Variants in CHD5 observed in about 807,000 individuals in gnomAD.
CHD5 encodes the protein chromodomain helicase DNA binding protein 5, also known as ATP-dependent chromatin remodeler CHD5.
In CHD5, 69 loss-of-function variants were observed where a neutral mutation model predicts 230.3. The observed-to-expected ratio is 0.30, with a 90% CI of 0.25 to 0.37. The LOEUF (loss-of-function observed/expected upper bound fraction) is 0.37. Among genes scored for constraint, CHD5 ranks in the 10% least tolerant of loss-of-function variants. The probability of loss-of-function intolerance (pLI) is 1.00; values close to 1 mark genes in which losing one functional copy is unlikely to be tolerated. For synonymous variants in CHD5, 1,064 were observed against 1,065.9 expected (o/e 1.00, Z 0.03); for missense variants, 1,827 against 2,622.8 (o/e 0.70, Z 6.63).
chr1:6,154,417 G>A lies in CHD5; in HGVS notation c.745+243C>T, dbSNP rs1336861424. 1.3e-5 allele frequency among the ~76,000 whole-genome samples: 2 copies of A among 152,120 alleles called. No individual in the cohort carries two copies. Among genetic ancestry groups the A allele is most frequent in the Non-Finnish European group, 2.9e-5 (2 of 68,018 alleles). On this transcript the variant is annotated intron_variant, in intron 5 of 41. Transcript: ENST00000262450. This position sits in a 1 kb window ranked among gnomAD's most constrained non-coding sequence, Gnocchi z 7.0. ...CCAGGCTCAAACCTCCCAGACCTCT[G>A]CCCACATCATCGCCTCTGCTTCTCC... is the stretch of plus-strand genomic sequence containing the variant.
intron 31 of CHD5, among the ~76,000 whole-genome samples, chr1:6,122,122 C>T (rs1487538122): frequency 6.6e-6 from 1 of 152,212 alleles, no homozygotes; most frequent in Non-Finnish European, 1.5e-5. Context: ...AGAAGCAAAC[C>T]AAGATGTGTC....
chr1:6,161,266 T>C (rs1438463907), intron 2 of CHD5, among the ~76,000 whole-genome samples: 2 of 152,032 alleles, frequency 1.3e-5, no homozygotes, highest in Non-Finnish European at 2.9e-5. Context: ...GGGGATGACC[T>C]GCCTTTTCCC....
Position 6,135,244 on chromosome 1 carries a change from C to T in CHD5, c.2856G>A (p.Leu952=). The change falls in exon 18 of 42, where the codon CTG becomes CTA. Residue 952 remains leucine (L), a synonymous_variant. Coordinates refer to ENST00000262450, the MANE Select transcript of CHD5 (RefSeq NM_015557.3). ...AKTELIVRVE[L]SQMQKKYYKF... is the part of the protein sequence containing the mutation. ...CCATCACTCACTTCTGCATCTGGCT[C>T]AGCTCCACCCGGACAATGAGCTCGG... is the stretch of plus-strand genomic sequence containing the variant. The T allele has an allele frequency of 2.5e-6, 4 of 1,614,060 alleles. No individual in the cohort carries two copies. Among genetic ancestry groups the T allele is most frequent in the Non-Finnish European group, 3.4e-6 (4 of 1,179,994 alleles).
rs1475471096 is a variant in CHD5, at chr1:6,131,014, G to T, written c.3262+617C>A. Among the ~76,000 whole-genome samples, 1 of 152,274 alleles carries T rather than the reference G, an allele frequency of 6.6e-6. No homozygotes were observed. The highest frequency in any genetic ancestry group is 6.5e-5 in the Admixed American group (1 of 15,294). The stretch of plus-strand genomic sequence containing the variant: ...AATCACTGCTTTGGGCGTTTGGAGA[G>T]CGTGGCCCCAGCCCCTAAGGGCTGA... On this transcript the variant is annotated intron_variant, in intron 21 of 41. Coordinates refer to ENST00000262450, the MANE Select transcript of CHD5 (RefSeq NM_015557.3). The surrounding 1 kb of genome is among the most constrained non-coding windows in gnomAD (Gnocchi z 5.0).
chr1:6,160,421 A>G (rs1482184814), intron 2 of CHD5, among the ~76,000 whole-genome samples: 4 of 131,782 alleles, frequency 3.0e-5, no homozygotes, highest in African/African-American at 1.3e-4. Flanking sequence ...GAAGGGCCCC[A>G]GCCAGAGAAG....
At chr1:6,161,471 G>C (rs762803712) in intron 2 of CHD5, among the ~76,000 whole-genome samples, 4 of 152,172 alleles carry the variant, frequency 2.6e-5, no homozygotes, top group Non-Finnish European at 5.9e-5. Flanking sequence ...AAACCTCTTA[G>C]CCCATTAAGC....
rs774188440 is a variant in CHD5 at position 6,134,466 on chromosome 1, G to A, written c.3013-207C>T. Among the ~76,000 whole-genome samples the A allele has an allele frequency of 5.9e-5, 9 of 152,172 alleles. No individual in the cohort carries two copies. The highest frequency in any genetic ancestry group is 9.7e-5 in the African/African-American group (4 of 41,444). ...CCACGGCCCTGGCTCCAGGCCCCCC[G>A]TTCCCAGGCAGGGCTCACAGCCGCA... is the stretch of plus-strand genomic sequence containing the variant. On this transcript the variant is annotated intron_variant, in intron 19 of 41. Transcript: ENST00000262450. This position sits in a 1 kb window ranked among gnomAD's most constrained non-coding sequence, Gnocchi z 6.3.
rs1214056129 is a variant in CHD5, at chr1:6,131,904, GAA to G, written c.3145-158_3145-157del. 6.6e-6 allele frequency among the ~76,000 whole-genome samples: 1 copy of G among 152,198 alleles called. No homozygotes were observed. The highest frequency in any genetic ancestry group is 2.4e-5 in the African/African-American group (1 of 41,448). Reference sequence around the variant, plus strand: ...AGGCCCAATGCAGGACTCTGGGGAAGAACAAAGCTTCCAACCTCACCCCTTGG... The same window carrying G: ...AGGCCCAATGCAGGACTCTGGGGAAGCAAAGCTTCCAACCTCACCCCTTGG... On this transcript the variant is annotated intron_variant, in intron 20 of 41. Transcript: ENST00000262450. This position sits in a 1 kb window ranked among gnomAD's most constrained non-coding sequence, Gnocchi z 5.0.
chr1:6,135,422 A>G lies in CHD5; in HGVS notation c.2697-19T>C. 1.3e-6 allele frequency: 2 copies of G among 1,590,386 alleles called. No individual in the cohort carries two copies. Among genetic ancestry groups the G allele is most frequent in the Non-Finnish European group, 1.7e-6 (2 of 1,167,166 alleles). ...CAGGTTGCTGCAACAAAAAGCTGGG[A>G]TAACAGCCAGGAGCAGAGGACCGGG... On this transcript the variant is annotated intron_variant, in intron 17 of 41. Transcript: ENST00000262450.
chr1:6,176,091 G>C (rs913443132), intron 1 of CHD5, among the ~76,000 whole-genome samples: 1 of 152,142 alleles, frequency 6.6e-6, no homozygotes, highest in African/African-American at 2.4e-5. Context: ...GAATGACAAT[G>C]AATAACCCAC....
chr1:6,113,773 C>T (rs902706075), intron 33 of CHD5, among the ~76,000 whole-genome samples: 40 of 152,208 alleles, frequency 2.6e-4, no homozygotes, highest in Non-Finnish European at 8.8e-5. Flanking sequence ...CAGTGAGGAA[C>T]CCACACCCAA....
In CHD5 at chr1:6,142,016, G is replaced by A. The variant is rs1666835837; in HGVS notation, c.2436+112C>T. ...AGGACAAGCCCCTCAGAGCCTGCCG[G>A]CCTCGGTAGCCCTCCCAGGCTGAGG... On this transcript the variant is annotated intron_variant, in intron 15 of 41. Coordinates refer to ENST00000262450, the MANE Select transcript of CHD5 (RefSeq NM_015557.3). This position sits in a 1 kb window ranked among gnomAD's most constrained non-coding sequence, Gnocchi z 5.2. 1 of 914,332 alleles carries A rather than the reference G, an allele frequency of 1.1e-6. No homozygotes were observed. Among genetic ancestry groups the A allele is most frequent in the Non-Finnish European group, 1.7e-6 (1 of 575,120 alleles). The allele number at this position is 914,332 out of a possible 1,614,324, so 56.6% of individuals were successfully genotyped here. A position where few individuals can be genotyped will look rare whatever the true frequency, so the allele number is the denominator to read the frequency against.
In CHD5 at chr1:6,110,000, G is replaced by C. The variant is rs768122624; in HGVS notation, c.5383-10C>G. 6 of 1,524,322 alleles carry C rather than the reference G, an allele frequency of 3.9e-6. No homozygotes were observed. In the African/African-American group the frequency reaches 8.3e-5, roughly 21 times the overall value. 94.4% of individuals were successfully genotyped at this position (1,524,322 alleles called of 1,614,324 possible). A position where few individuals can be genotyped will look rare whatever the true frequency, so the allele number is the denominator to read the frequency against. On this transcript the variant is annotated splice_polypyrimidine_tract_variant and intron_variant, in intron 37 of 41. Coordinates refer to ENST00000262450, the MANE Select transcript of CHD5 (RefSeq NM_015557.3). The stretch of plus-strand genomic sequence containing the variant: ...ACGCCTGCTCCAGCAGCTGGGGGCG[G>C]GGCGCAGCGTCGGCCCGGCCCCTCC...
intron 35 of CHD5, 123 bp downstream of exon 35, chr1:6,112,017 A>T: frequency 2.1e-6 from 3 of 1,415,258 alleles, no homozygotes; most frequent in Non-Finnish European, 2.9e-6. Flanking sequence ...GTGGCTAAGA[A>T]AGGTTATACG....
chr1:6,142,687 C>G lies in CHD5; in HGVS notation c.2044-82G>C. 1 of 1,408,428 alleles carries G rather than the reference C, an allele frequency of 7.1e-7. No individual in the cohort carries two copies. The highest frequency in any genetic ancestry group is 9.6e-7 in the Non-Finnish European group (1 of 1,038,098). The allele number at this position is 1,408,428 out of a possible 1,614,324, so 87.2% of individuals were successfully genotyped here. A position where few individuals can be genotyped will look rare whatever the true frequency, so the allele number is the denominator to read the frequency against. ...ACTACAGGCCTTTGCACATGCAATT[C>G]CTTCTGCCTGGAACACTCTTCCCAC... On this transcript the variant is annotated intron_variant, in intron 13 of 41. Coordinates refer to ENST00000262450, the MANE Select transcript of CHD5 (RefSeq NM_015557.3). The surrounding 1 kb of genome is among the most constrained non-coding windows in gnomAD (Gnocchi z 5.2).
Position 6,119,815 on chromosome 1 carries a change from G to GTA in CHD5, c.4912+1288_4912+1289dup, listed in dbSNP as rs61439145. ...CGTACGTATGTACGTACATATATACGTATATATATACGTGTATATGTATAT... is the reference window on the plus strand; with the variant it reads ...CGTACGTATGTACGTACATATATACGTATATATATATACGTGTATATGTATAT... On this transcript the variant is annotated intron_variant, in intron 33 of 41. Transcript: ENST00000262450. Among the ~76,000 whole-genome samples the GTA allele has an allele frequency of 4.7e-3, 704 of 148,936 alleles. 6 individuals are homozygous for GTA. The highest frequency in any genetic ancestry group is 0.015 in the African/African-American group (630 of 40,768).
In CHD5 at chr1:6,142,134, A is replaced by T. The variant is rs548955752; in HGVS notation, c.2430T>A (p.Arg810=). 2.2e-5 allele frequency: 36 copies of T among 1,613,708 alleles called. No individual in the cohort carries two copies. The African/African-American group carries it at 4.8e-4, about 22-fold the overall frequency. ...NAIRSGKKVF[R]MKKEVQIKFH... is the part of the protein sequence containing the mutation. ...AAGGATAGCGAGCCCTCACCTTCAT[A>T]CGGAATACCTTCTTCCCACTCCGAA... Residue 810 remains arginine (R), a synonymous_variant, in exon 15 of 42, where the codon CGT becomes CGA. Transcript: ENST00000262450. The surrounding 1 kb of genome is among the most constrained non-coding windows in gnomAD (Gnocchi z 5.2).
chr1:6,131,817 C>T lies in CHD5; in HGVS notation c.3145-69G>A, dbSNP rs1217422033. The stretch of plus-strand genomic sequence containing the variant: ...GGCCCCATGGGCCATGGGCGGGGAC[C>T]CCGCCACAGGCAGGGGAGGAGAGAG... On this transcript the variant is annotated intron_variant, in intron 20 of 41. Transcript: ENST00000262450. The surrounding 1 kb of genome is among the most constrained non-coding windows in gnomAD (Gnocchi z 5.0). 8 of 942,888 alleles carry T rather than the reference C, an allele frequency of 8.5e-6. No homozygotes were observed. The Admixed American group carries it at 9.6e-5, about 11-fold the overall frequency. The allele number at this position is 942,888 out of a possible 1,614,324, so 58.4% of individuals were successfully genotyped here. A position where few individuals can be genotyped will look rare whatever the true frequency, so the allele number is the denominator to read the frequency against.
intron 36 of CHD5, among the ~76,000 whole-genome samples, chr1:6,111,303 G>C (rs560454112): frequency 6.6e-6 from 1 of 151,928 alleles, no homozygotes; most frequent in African/African-American, 2.4e-5. Context: ...GGAGGCCAAG[G>C]TGGGTGGATC....
Sources: gnomAD v4.1 joint callset for allele counts (sites outside exome capture counted in the v4.1 genomes callset) on GRCh38, gnomAD v4.1.1 for gene constraint, Gnocchi (gnomAD v3.1) non-coding constraint, MANE v1.5 for transcripts, NCBI Gene and HGNC (gene_info 2026-07-23, HGNC 2026-07-21) for gene names.